Variants in GRIK1 observed in about 807,000 individuals in gnomAD.
GRIK1 encodes glutamate ionotropic receptor kainate type subunit 1, also known as glutamate receptor ionotropic, kainate 1.
A neutral mutation model predicts 105.7 loss-of-function variants in GRIK1; 69 were observed. The ratio of observed to expected loss-of-function variants is 0.65; its 90% CI spans 0.54 to 0.80. The LOEUF is 0.80. GRIK1 is among the 30% of genes least tolerant of loss of function. GRIK1 has a pLI of 0.00. For synonymous variants in GRIK1, 438 were observed against 431.3 expected, an observed-to-expected ratio of 1.02 and a Z score of -0.19; for missense variants, 1,109 against 1,167.3, an observed-to-expected ratio of 0.95 and a Z score of 0.73.
At chr21:29,918,785 CAACT>C (rs752005445) in intron 1 of GRIK1, among the ~76,000 whole-genome samples, 3 of 151,830 alleles carry the variant, frequency 2.0e-5, no homozygotes, top group Non-Finnish European at 4.4e-5. Flanking sequence ...CCTGATACAC[CAACT>C]AAGTTGCACA....
intron 7 of GRIK1, among the ~76,000 whole-genome samples, chr21:29,615,960 C>A (rs1355306532): frequency 6.6e-6 from 1 of 152,170 alleles, no homozygotes; most frequent in African/African-American, 2.4e-5. Flanking sequence ...TTGAGCAAAG[C>A]AATCACTAAC....
chr21:29,698,960 C>T (rs944278016), intron 1 of GRIK1, among the ~76,000 whole-genome samples: 11 of 152,104 alleles, frequency 7.2e-5, no homozygotes, highest in South Asian at 2.1e-4. Context: ...AATACACGTT[C>T]GTATTTAGGA....
At chr21:29,623,241 C>T (rs1232729861) in intron 7 of GRIK1, among the ~76,000 whole-genome samples, 7 of 152,094 alleles carry the variant, frequency 4.6e-5, no homozygotes, top group African/African-American at 7.2e-5. Context: ...CTCTATAAAA[C>T]CATGAGATCT....
Position 29,907,114 on chromosome 21 carries a change from T to C in GRIK1, c.118+32269A>G, listed in dbSNP as rs566292141. ...TTCACTTCCTCTAAATTTGTATCAA[T>C]GGAATGTGGTCATTGCTGCTTTTTT... On this transcript the variant is annotated intron_variant, in intron 1 of 17. Coordinates refer to ENST00000327783, the MANE Select transcript of GRIK1 (RefSeq NM_001330994.2). Among the ~76,000 whole-genome samples, 10 of 152,074 alleles carry C rather than the reference T, an allele frequency of 6.6e-5. No homozygotes were observed. In the South Asian group the frequency reaches 1.7e-3, roughly 25 times the overall value.
intron 16 of GRIK1, among the ~76,000 whole-genome samples, chr21:29,548,467 T>C (rs1400829562): frequency 6.6e-6 from 1 of 152,204 alleles, no homozygotes; most frequent in Non-Finnish European, 1.5e-5. Context: ...TAAAGGCAAG[T>C]TAAAACTGCA....
chr21:29,656,354 C>CAAAAAAAAAAAAAA lies in GRIK1; in HGVS notation c.727-1505_727-1492dup, dbSNP rs3054331. The stretch of plus-strand genomic sequence containing the variant: ...CCAGCCTGGGGGCCAGAGCGAGACT[C>CAAAAAAAAAAAAAA]AAAAAAAAAAAAAAAAAAAAAAAAA... On this transcript the variant is annotated intron_variant, in intron 4 of 17. Coordinates refer to ENST00000327783, the MANE Select transcript of GRIK1 (RefSeq NM_001330994.2). Among the ~76,000 whole-genome samples the CAAAAAAAAAAAAAA allele has an allele frequency of 1.3e-3, 65 of 51,150 alleles. 5 individuals are homozygous for CAAAAAAAAAAAAAA. Among genetic ancestry groups the CAAAAAAAAAAAAAA allele is most frequent in the East Asian group, 4.8e-3 (6 of 1,242 alleles). The allele number at this position is 51,150 out of a possible 152,430, so 33.6% of individuals were successfully genotyped here.
Position 29,629,574 on chromosome 21 carries a change from C to A in GRIK1, c.1098+13252G>T, listed in dbSNP as rs183900104. ...GGCGGATCTCAGCTCACTGCAAACT[C>A]CGCCTCCCAGGTTCAAGCGATTCTC... On this transcript the variant is annotated intron_variant, in intron 7 of 17. Transcript: ENST00000327783. 5.2e-3 allele frequency among the ~76,000 whole-genome samples: 796 copies of A among 151,766 alleles called. 12 individuals carry two copies. The highest frequency in any genetic ancestry group is 0.017 in the African/African-American group (695 of 41,304).
intron 4 of GRIK1, among the ~76,000 whole-genome samples, chr21:29,657,243 A>C (rs749496090): frequency 6.6e-6 from 1 of 152,256 alleles, no homozygotes; most frequent in Non-Finnish European, 1.5e-5. Context: ...AAAATAGAAC[A>C]CAAAGGCATT....
chr21:29,600,200 T>C (rs2061493583), intron 7 of GRIK1, among the ~76,000 whole-genome samples: 1 of 152,194 alleles, frequency 6.6e-6, no homozygotes, highest in African/African-American at 2.4e-5. Flanking sequence ...CAAAAATCCT[T>C]AATCACCTAT....
chr21:29,734,445 C>T (rs995995399), intron 1 of GRIK1, among the ~76,000 whole-genome samples: 1 of 145,962 alleles, frequency 6.9e-6, no homozygotes, highest in African/African-American at 2.7e-5. Context: ...GTCTTACTCT[C>T]TTGCCCAGGG....
chr21:29,838,331 C>A (rs2067869192), intron 1 of GRIK1, among the ~76,000 whole-genome samples: 1 of 151,946 alleles, frequency 6.6e-6, no homozygotes, highest in African/African-American at 2.4e-5. Context: ...TACTAAAGCT[C>A]TCTGAAGAAC....
intron 1 of GRIK1, among the ~76,000 whole-genome samples, chr21:29,796,488 A>T (rs989379555): frequency 2.6e-5 from 4 of 152,124 alleles, no homozygotes; most frequent in African/African-American, 9.7e-5. Context: ...TATATTATAC[A>T]TTATATATTC....
intron 1 of GRIK1, among the ~76,000 whole-genome samples, chr21:29,780,395 T>A (rs1448064901): frequency 1.3e-5 from 2 of 152,198 alleles, no homozygotes; most frequent in African/African-American, 2.4e-5. Context: ...GATGGTAAAA[T>A]AGAAAAATTC....
intron 1 of GRIK1, among the ~76,000 whole-genome samples, chr21:29,867,671 A>C (rs1006718048): frequency 1.3e-5 from 2 of 151,938 alleles, no homozygotes; most frequent in Non-Finnish European, 2.9e-5. Context: ...GCGCATGCCT[A>C]TAATCCCAGG....
intron 1 of GRIK1, among the ~76,000 whole-genome samples, chr21:29,809,494 T>C (rs1229408351): frequency 2.0e-5 from 3 of 152,204 alleles, no homozygotes; most frequent in African/African-American, 7.2e-5. Context: ...TGCCTCGTTA[T>C]TGATGACCTT....
chr21:29,823,623 C>A (rs760859600), intron 1 of GRIK1, among the ~76,000 whole-genome samples: 1 of 151,858 alleles, frequency 6.6e-6, no homozygotes, highest in Non-Finnish European at 1.5e-5. Context: ...AAATTTTAGA[C>A]AACTTGACCA....
At chr21:29,922,118 TCAC>T (rs2071213525) in intron 1 of GRIK1, among the ~76,000 whole-genome samples, 2 of 152,164 alleles carry the variant, frequency 1.3e-5, no homozygotes, top group Admixed American at 1.3e-4. Flanking sequence ...ACATGCAAGA[TCAC>T]CATTAATCTG....
chr21:29,781,917 G>T (rs979965484), intron 1 of GRIK1, among the ~76,000 whole-genome samples: 1 of 148,352 alleles, frequency 6.7e-6, no homozygotes, highest in African/African-American at 2.5e-5. Flanking sequence ...TGATCCACCC[G>T]CCTCGGCCTC....
intron 1 of GRIK1, among the ~76,000 whole-genome samples, chr21:29,767,520 A>G (rs1016917265): frequency 6.6e-6 from 1 of 152,184 alleles, no homozygotes; most frequent in Non-Finnish European, 1.5e-5. Flanking sequence ...AGATGGAAAA[A>G]AAAAAAGAAC....
Sources: allele counts gnomAD v4.1 joint callset (sites outside exome capture counted in the v4.1 genomes callset), GRCh38; gene constraint gnomAD v4.1.1; transcripts MANE v1.5; gene names NCBI Gene and HGNC (gene_info 2026-07-23, HGNC 2026-07-21).